The following EMG1 variants were observed in gnomAD, a reference collection of about 807,000 sequenced individuals.
The protein encoded by EMG1 is EMG1 N1-specific pseudouridine methyltransferase, also known as ribosomal RNA small subunit methyltransferase NEP1.
In EMG1, 24 loss-of-function variants were observed where a neutral mutation model predicts 26.9. The observed-to-expected ratio is 0.89, with a 90% CI of 0.65 to 1.26. The LOEUF (loss-of-function observed/expected upper bound fraction) is 1.26. Ranked by LOEUF, EMG1 falls within the 50% of genes most tolerant of loss-of-function variation. The probability of loss-of-function intolerance (pLI) is 0.00; values close to 1 mark genes in which losing one functional copy is unlikely to be tolerated. For missense variants in EMG1, 299 were observed against 307.6 expected (o/e 0.97, Z 0.21); for synonymous variants, 140 against 112.6 (o/e 1.24, Z -1.54).
In EMG1 at chr12:6,987,336, G is replaced by A. The variant is rs1201478702; in HGVS notation, c.*155-446G>A. The stretch of plus-strand genomic sequence containing the variant: ...GGTAGGAGGTGGCATGTGATGGTTC[G>A]TTTTCTAGCTGGCTGAGATGATGGG... On this transcript the variant is annotated intron_variant and NMD_transcript_variant, in intron 6 of 7. Transcript: ENST00000261406. The surrounding 1 kb of genome is among the most constrained non-coding windows in gnomAD (Gnocchi z 4.1). Among the ~76,000 whole-genome samples, 1 of 152,172 alleles carries A rather than the reference G, an allele frequency of 6.6e-6. No homozygotes were observed. The highest frequency in any genetic ancestry group is 1.5e-5 in the Non-Finnish European group (1 of 68,034).
At chr12:6,980,521 ATTTTTGTATT>A (rs1555153941), downstream of EMG1, among the ~76,000 whole-genome samples, 1 of 150,870 alleles carries the variant, frequency 6.6e-6, no homozygotes, top group Non-Finnish European at 1.5e-5. Context: ...ATGTCTGATA[ATTTTTGTATT>A]TTTTTGTAGA....
chr12:6,986,769 C>T (rs1555154770), intron 6 of EMG1, among the ~76,000 whole-genome samples: 221 of 142,184 alleles, frequency 1.6e-3, no homozygotes, highest in Non-Finnish European at 2.7e-3. Flanking sequence ...TGCACTCCAG[C>T]CTGGTGACAG....
rs782605254 is a variant in EMG1 at position 6,975,343 on chromosome 12, A to G, written c.586A>G (p.Ile196Val). 6.4e-5 allele frequency: 102 copies of G among 1,606,236 alleles called. No individual in the cohort carries two copies. Among genetic ancestry groups the G allele is most frequent in the Non-Finnish European group, 7.7e-5 (90 of 1,176,002 alleles). ...VRELVPSSDP[I>V]VFVVGAFAHG... ...TGAGCTGGTGCCCAGCAGTGATCCT[A>G]TTGTTTTTGTGGTAGGGGCCTTTGC... Residue 196 changes from isoleucine to valine, a missense_variant, in exon 5 of 6, where the codon ATT becomes GTT. Ile to Val is a conservative substitution (Grantham distance 29). Coordinates refer to ENST00000599672, the MANE Select transcript of EMG1 (RefSeq NM_006331.8).
chr12:6,971,792 C>T (rs1555152324), intron 1 of EMG1, among the ~76,000 whole-genome samples: 1 of 152,196 alleles, frequency 6.6e-6, no homozygotes, highest in African/African-American at 2.4e-5. Context: ...CTTCGTGTTT[C>T]AATTCATTAG....
rs1223283967 is a variant in EMG1, at chr12:6,979,715, A to C, written c.*3906A>C. The stretch of plus-strand genomic sequence containing the variant: ...AATGGGATGAGAAGCTCTGCTGCCC[A>C]AAGTGTTTCCTGTTTCAGGGAAAGA... On this transcript the variant is annotated 3_prime_UTR_variant, in exon 6 of 6. Coordinates refer to ENST00000599672, the MANE Select transcript of EMG1 (RefSeq NM_006331.8). The C allele has an allele frequency of 1.6e-6, 1 of 644,302 alleles. No individual in the cohort carries two copies. Among genetic ancestry groups the C allele is most frequent in the African/African-American group, 1.8e-5 (1 of 54,896 alleles). 39.9% of individuals were successfully genotyped at this position (644,302 alleles called of 1,614,324 possible).
rs1946442927 is a variant in EMG1, at chr12:6,979,180, G to A, written c.*3371G>A. 4 of 441,156 alleles carry A rather than the reference G, an allele frequency of 9.1e-6. No homozygotes were observed. The East Asian group carries it at 1.6e-4, about 18-fold the overall frequency. 27.3% of individuals were successfully genotyped at this position (441,156 alleles called of 1,614,324 possible). On this transcript the variant is annotated 3_prime_UTR_variant, in exon 6 of 6. Transcript: ENST00000599672. ...ATAGGATGGAGAATCAGAAGCTGCT[G>A]TGCTCTGAGGGGTCACGTGGATGTG...
In EMG1 at chr12:6,977,512, A is replaced by G. The variant is rs1378316260; in HGVS notation, c.*1703A>G. On this transcript the variant is annotated 3_prime_UTR_variant, in exon 6 of 6. Transcript: ENST00000599672. This position sits in a 1 kb window ranked among gnomAD's most constrained non-coding sequence, Gnocchi z 4.5. ...CTTGCTCAGGGTGGGGCTCTCTTGA[A>G]TGAGCCTGGCAGCCTGGGGAGGGAG... The G allele has an allele frequency of 2.5e-6, 4 of 1,614,062 alleles. No individual in the cohort carries two copies. The highest frequency in any genetic ancestry group is 1.7e-5 in the Admixed American group (1 of 60,000).
intron 1 of EMG1, among the ~76,000 whole-genome samples, chr12:6,973,393 C>G (rs1309380912): frequency 6.6e-6 from 1 of 151,752 alleles, no homozygotes; most frequent in Non-Finnish European, 1.5e-5. Context: ...GTCTTGAACT[C>G]CTGACCTTAA....
At chr12:6,982,610 C>T, downstream of EMG1, 1 of 1,226,304 alleles carries the variant, frequency 8.2e-7, no homozygotes, top group South Asian at 1.2e-5. Context: ...CCACAGTCCC[C>T]TGCCTACCCC....
At chr12:6,996,395 ACTT>A (rs1283764620) in intron 7 of EMG1, among the ~76,000 whole-genome samples, 8 of 151,672 alleles carry the variant, frequency 5.3e-5, no homozygotes, top group African/African-American at 1.9e-4. Flanking sequence ...CCCATCACAC[ACTT>A]CTTGTTCTTC....
Position 6,977,111 on chromosome 12 carries a change from T to C in EMG1, c.*1302T>C, listed in dbSNP as rs1555153306. 7.2e-7 allele frequency: 1 copy of C among 1,387,374 alleles called. No homozygotes were observed. The highest frequency in any genetic ancestry group is 1.0e-6 in the Non-Finnish European group (1 of 974,780). The allele number at this position is 1,387,374 out of a possible 1,614,324, so 85.9% of individuals were successfully genotyped here. Reference sequence around the variant, plus strand: ...TCTATTCTGTAACCTGGTGGTAGTTTTAGTTTAGCTGTATTAACTTACCAG... The same window carrying C: ...TCTATTCTGTAACCTGGTGGTAGTTCTAGTTTAGCTGTATTAACTTACCAG... On this transcript the variant is annotated 3_prime_UTR_variant, in exon 6 of 6. Coordinates refer to ENST00000599672, the MANE Select transcript of EMG1 (RefSeq NM_006331.8). The surrounding 1 kb of genome is among the most constrained non-coding windows in gnomAD (Gnocchi z 4.5).
chr12:6,993,533 C>T (rs1793525891), intron 7 of EMG1, among the ~76,000 whole-genome samples: 1 of 152,150 alleles, frequency 6.6e-6, no homozygotes, highest in Middle Eastern at 3.2e-3. Context: ...TGTTGGCAGT[C>T]ATTTCCCATT....
chr12:6,973,407 AT>A (rs1946356099), intron 1 of EMG1, among the ~76,000 whole-genome samples: 1 of 151,594 alleles, frequency 6.6e-6, no homozygotes, highest in African/African-American at 2.4e-5. Flanking sequence ...ACCTTAAGTG[AT>A]TTGCCTGCCT....
At chr12:6,989,827 T>C (rs911745414), downstream of EMG1, among the ~76,000 whole-genome samples, 1 of 152,150 alleles carries the variant, frequency 6.6e-6, no homozygotes, top group Admixed American at 6.5e-5. Context: ...TTATTAATCC[T>C]AAAGTTGTGA....
In EMG1 at chr12:6,977,862, AG is replaced by A; in HGVS notation, c.*2054del. On this transcript the variant is annotated 3_prime_UTR_variant, in exon 6 of 6. Coordinates refer to ENST00000599672, the MANE Select transcript of EMG1 (RefSeq NM_006331.8). The surrounding 1 kb of genome is among the most constrained non-coding windows in gnomAD (Gnocchi z 4.5). ...GGAGTGCTGGTGGGTTCCCACGTGT[AG>A]CCCCCAGAGGGTACAGGAGGCAGTG... is the stretch of plus-strand genomic sequence containing the variant. 1.6e-6 allele frequency: 2 copies of A among 1,213,422 alleles called. No homozygotes were observed. Among genetic ancestry groups the A allele is most frequent in the Non-Finnish European group, 2.4e-6 (2 of 838,282 alleles). The allele number at this position is 1,213,422 out of a possible 1,614,324, so 75.2% of individuals were successfully genotyped here.
chr12:6,978,172 G>A lies in EMG1; in HGVS notation c.*2363G>A, dbSNP rs1424832010. The A allele has an allele frequency of 2.6e-6, 2 of 767,730 alleles. No individual in the cohort carries two copies. Among genetic ancestry groups the A allele is most frequent in the Non-Finnish European group, 4.2e-6 (2 of 478,712 alleles). 47.6% of individuals were successfully genotyped at this position (767,730 alleles called of 1,614,324 possible). A position where few individuals can be genotyped will look rare whatever the true frequency, so the allele number is the denominator to read the frequency against. On this transcript the variant is annotated 3_prime_UTR_variant, in exon 6 of 6. Coordinates refer to ENST00000599672, the MANE Select transcript of EMG1 (RefSeq NM_006331.8). ...CTTTTTTTCAAATATGACAGTAATG[G>A]TTTTTTTGGGAGGGGGGTATAGGTG... is the stretch of plus-strand genomic sequence containing the variant.
rs1555152676 is a variant in EMG1, at chr12:6,974,325, TC to T, written c.169-11del. ...AGCTTATGCTGTTCTCTCGTCATGT[TC>T]CCTGTTCTTCAGGTAGGGAAGACAT... On this transcript the variant is annotated splice_polypyrimidine_tract_variant and intron_variant, in intron 1 of 5. Coordinates refer to ENST00000599672, the MANE Select transcript of EMG1 (RefSeq NM_006331.8). 6.3e-7 allele frequency: 1 copy of T among 1,586,682 alleles called. No homozygotes were observed. The highest frequency in any genetic ancestry group is 2.2e-5 in the East Asian group (1 of 44,636).
rs1202150165 is a variant in EMG1, at chr12:6,979,219, G to A, written c.*3410G>A. ...CACGTGGATGTGATAAGGCAAGCTA[G>A]GAGCGGCTCCTAGAGAAGGCAACGG... On this transcript the variant is annotated 3_prime_UTR_variant, in exon 6 of 6. Coordinates refer to ENST00000599672, the MANE Select transcript of EMG1 (RefSeq NM_006331.8). 3.2e-5 allele frequency: 17 copies of A among 532,498 alleles called. No individual in the cohort carries two copies. Among genetic ancestry groups the A allele is most frequent in the African/African-American group, 5.7e-5 (3 of 52,208 alleles). 33.0% of individuals were successfully genotyped at this position (532,498 alleles called of 1,614,324 possible).
At chr12:6,972,746 T>C (rs1485726129) in intron 1 of EMG1, among the ~76,000 whole-genome samples, 2 of 152,220 alleles carry the variant, frequency 1.3e-5, no homozygotes, top group East Asian at 3.8e-4. Flanking sequence ...TAGGATTCTG[T>C]GGTTTACAAA....
Sources: allele counts gnomAD v4.1 joint callset (sites outside exome capture counted in the v4.1 genomes callset), GRCh38; gene constraint gnomAD v4.1.1; non-coding constraint Gnocchi (gnomAD v3.1); transcripts MANE v1.5; gene names NCBI Gene and HGNC (gene_info 2026-07-23, HGNC 2026-07-21).